Variants in VAV1 observed in about 807,000 individuals in gnomAD.
VAV1 encodes the protein vav guanine nucleotide exchange factor 1, also known as proto-oncogene vav.
In VAV1, 33 loss-of-function variants were observed where a neutral mutation model predicts 128.1. That is an observed-to-expected ratio of 0.26 (90% CI 0.20 to 0.34). The LOEUF (loss-of-function observed/expected upper bound fraction) is 0.34, where lower values mean the gene tolerates loss of function less well. Among genes scored for constraint, VAV1 ranks in the 10% least tolerant of loss-of-function variants. The pLI is 1.00. For synonymous variants in VAV1, 394 were observed against 409.8 expected (o/e 0.96, Z 0.47); for missense variants, 715 against 1,093.7 (o/e 0.65, Z 4.88).
chr19:6,850,228 T>G (rs1298543573), intron 23 of VAV1, among the ~76,000 whole-genome samples: 8 of 82,686 alleles, frequency 9.7e-5, no homozygotes, highest in East Asian at 5.1e-4. Flanking sequence ...TTTCTTTGTT[T>G]TTTTTTTTTT....
Position 6,833,702 on chromosome 19 carries a change from C to T in VAV1, c.1709-9C>T. On this transcript the variant is annotated splice_polypyrimidine_tract_variant and intron_variant, in intron 17 of 26. Transcript: ENST00000602142. Reference sequence around the variant, plus strand: ...TCCCGTTCTCACCATTTCCTTTACCCTCCCGTAGATTTCCCAGGAACTATG... The same window carrying T: ...TCCCGTTCTCACCATTTCCTTTACCTTCCCGTAGATTTCCCAGGAACTATG... 3.7e-6 allele frequency: 6 copies of T among 1,614,172 alleles called. No homozygotes were observed. Among genetic ancestry groups the T allele is most frequent in the Middle Eastern group, 1.6e-4 (1 of 6,062 alleles).
chr19:6,848,719 T>C (rs976067999), intron 23 of VAV1, among the ~76,000 whole-genome samples: 8 of 151,892 alleles, frequency 5.3e-5, no homozygotes, highest in African/African-American at 1.9e-4. Flanking sequence ...CTTTTATTTT[T>C]AACCAATTTT....
At chr19:6,848,222 A>C in intron 23 of VAV1, 108 bp downstream of exon 23, 1 of 956,090 alleles carries the variant, frequency 1.0e-6, no homozygotes, top group Non-Finnish European at 1.5e-6. Context: ...AATAGCATCC[A>C]CCTTTTACTG....
At chr19:6,833,390 C>A in intron 16 of VAV1, 105 bp downstream of exon 16, 1 of 1,381,738 alleles carries the variant, frequency 7.2e-7, no homozygotes, top group Non-Finnish European at 1.0e-6. Flanking sequence ...ATGGGGGAGT[C>A]CCTACTTTGA....
At chr19:6,799,382 C>G (rs1971212121) in intron 1 of VAV1, among the ~76,000 whole-genome samples, 1 of 152,048 alleles carries the variant, frequency 6.6e-6, no homozygotes, top group Admixed American at 6.6e-5. Flanking sequence ...GTTGACCAGG[C>G]TGGTCTCGAA....
At chr19:6,837,154 GC>G in intron 21 of VAV1, 104 bp downstream of exon 21, 2 of 1,186,468 alleles carry the variant, frequency 1.7e-6, no homozygotes, top group Non-Finnish European at 2.5e-6. Flanking sequence ...GGAGGGGGCT[GC>G]CCATCATGGC....
intron 21 of VAV1, among the ~76,000 whole-genome samples, chr19:6,840,715 C>T (rs555486952): frequency 1.3e-5 from 2 of 151,936 alleles, no homozygotes; most frequent in South Asian, 4.2e-4. Context: ...AGTGATCCTC[C>T]CACTTCAGCC....
intron 1 of VAV1, among the ~76,000 whole-genome samples, chr19:6,778,290 G>C (rs546358042): frequency 1.4e-4 from 21 of 152,176 alleles, no homozygotes; most frequent in African/African-American, 4.8e-4. Flanking sequence ...GAACTTGAAG[G>C]CCAAGAGACT....
chr19:6,775,828 A>G (rs1042853662), intron 1 of VAV1, among the ~76,000 whole-genome samples: 1 of 152,156 alleles, frequency 6.6e-6, no homozygotes, highest in Non-Finnish European at 1.5e-5. Context: ...TGGGATGTGA[A>G]AGGGTAGAGG....
intron 1 of VAV1, among the ~76,000 whole-genome samples, chr19:6,780,664 T>G (rs574141374): frequency 7.5e-5 from 11 of 147,418 alleles, no homozygotes; most frequent in African/African-American, 2.7e-4. Context: ...CTCCACCTCC[T>G]GGGTTCAAGA....
intron 1 of VAV1, among the ~76,000 whole-genome samples, chr19:6,815,417 A>G (rs145028746): frequency 9.9e-5 from 15 of 152,280 alleles, no homozygotes; most frequent in Admixed American, 2.6e-4. Flanking sequence ...TGCTGGGATT[A>G]CAGGTATGAG....
intron 1 of VAV1, among the ~76,000 whole-genome samples, chr19:6,804,311 C>T (rs113497532): frequency 7.3e-4 from 111 of 151,952 alleles, no homozygotes; most frequent in African/African-American, 2.6e-3. Context: ...TAGACGAAAA[C>T]AGCTTTATTG....
Position 6,825,384 on chromosome 19 carries a change from G to C in VAV1, c.805G>C (p.Val269Leu). The C allele has an allele frequency of 6.2e-7, 1 of 1,613,392 alleles. No individual in the cohort carries two copies. ...GTPGAANLYQ[V>L]FIKYKERFLV... ...CCCTGGCGCAGCCAATCTCTACCAG[G>C]TCTTCATCAAATACAAGGAGAGGTG... Residue 269 changes from valine (V) to leucine (L), a missense_variant, in exon 8 of 27, where the codon GTC becomes CTC. By Grantham distance (32) the Val-to-Leu change is conservative (BLOSUM62 1). Transcript: ENST00000602142.
intron 1 of VAV1, among the ~76,000 whole-genome samples, chr19:6,818,561 T>C (rs939809250): frequency 1.3e-5 from 2 of 152,170 alleles, no homozygotes; most frequent in Non-Finnish European, 2.9e-5. Context: ...GGTTGAACTG[T>C]GTCCCCCCAA....
At chr19:6,842,856 T>C (rs1318687986) in intron 21 of VAV1, among the ~76,000 whole-genome samples, 1 of 152,066 alleles carries the variant, frequency 6.6e-6, no homozygotes, top group Non-Finnish European at 1.5e-5. Flanking sequence ...AAAATTCTTT[T>C]GATTTTTGCC....
chr19:6,832,843 C>T (rs992045344), intron 15 of VAV1, among the ~76,000 whole-genome samples: 7 of 152,226 alleles, frequency 4.6e-5, no homozygotes, highest in Non-Finnish European at 1.0e-4. Flanking sequence ...AGTGTATGAT[C>T]GCATGGCATT....
intron 21 of VAV1, among the ~76,000 whole-genome samples, chr19:6,841,717 G>A (rs549531642): frequency 2.7e-5 from 4 of 150,822 alleles, no homozygotes; most frequent in Non-Finnish European, 5.9e-5. Context: ...CTCGTGATCC[G>A]CCTGCCTCGG....
Position 6,822,395 on chromosome 19 carries a change from A to G in VAV1, c.559-24A>G. On this transcript the variant is annotated intron_variant, in intron 5 of 26. Transcript: ENST00000602142. This position sits in a 1 kb window ranked among gnomAD's most constrained non-coding sequence, Gnocchi z 5.9. ...GGGGGGCAGCCCCAGGCCCCCCAAC[A>G]CCGGCCTCTCCCCTCGCTCTCAGCC... 1 of 1,553,816 alleles carries G rather than the reference A, an allele frequency of 6.4e-7. No homozygotes were observed. The highest frequency in any genetic ancestry group is 8.7e-7 in the Non-Finnish European group (1 of 1,149,992).
At chr19:6,845,766 A>T (rs1179024159) in intron 22 of VAV1, among the ~76,000 whole-genome samples, 1 of 148,238 alleles carries the variant, frequency 6.7e-6, no homozygotes, top group African/African-American at 2.4e-5. Flanking sequence ...ACTTTACATT[A>T]TATTATATTT....
Sources: gnomAD v4.1 joint callset for allele counts (sites outside exome capture counted in the v4.1 genomes callset) on GRCh38, gnomAD v4.1.1 for gene constraint, Gnocchi (gnomAD v3.1) non-coding constraint, MANE v1.5 for transcripts, NCBI Gene and HGNC (gene_info 2026-07-23, HGNC 2026-07-21) for gene names.